Variants in CSMD1 observed in about 807,000 individuals in gnomAD.
CSMD1 encodes the protein CUB and Sushi multiple domains 1.
Under a neutral mutation model 417.5 loss-of-function variants are expected in CSMD1, and 213 were observed. The ratio of observed to expected loss-of-function variants is 0.51; its 90% confidence interval spans 0.46 to 0.57. The LOEUF is 0.57. Ranked by LOEUF, CSMD1 falls within the 20% of genes least tolerant of loss-of-function variation. The pLI is 0.00. For synonymous variants in CSMD1, 2,862 were observed against 1,736.8 expected, an observed-to-expected ratio of 1.65 and a Z score of -16.11; for missense variants, 6,923 against 4,529.7, an observed-to-expected ratio of 1.53 and a Z score of -15.17.
intron 5 of CSMD1, among the ~76,000 whole-genome samples, chr8:3,767,083 C>G (rs939093557): frequency 6.6e-6 from 1 of 152,208 alleles, no homozygotes; most frequent in Admixed American, 6.5e-5. Flanking sequence ...CTCCTGCAGA[C>G]CCACTTAAAC....
chr8:4,855,136 A>T (rs1462015497), intron 1 of CSMD1, among the ~76,000 whole-genome samples: 1 of 151,156 alleles, frequency 6.6e-6, no homozygotes, highest in Admixed American at 6.6e-5. Context: ...ACTGGGAGGC[A>T]CCCCCCAGCA....
intron 1 of CSMD1, among the ~76,000 whole-genome samples, chr8:4,910,336 T>G (rs955815192): frequency 1.5e-4 from 23 of 152,328 alleles, no homozygotes; most frequent in African/African-American, 4.3e-4. Flanking sequence ...ATGTTGATGA[T>G]GTATCTTAGT....
intron 2 of CSMD1, among the ~76,000 whole-genome samples, chr8:4,537,783 C>T (rs192828689): frequency 6.6e-6 from 1 of 152,284 alleles, no homozygotes; most frequent in African/African-American, 2.4e-5. Flanking sequence ...GGCATGCAGC[C>T]GTTGCTGACT....
intron 3 of CSMD1, among the ~76,000 whole-genome samples, chr8:4,052,938 G>A (rs1439232914): frequency 6.6e-6 from 1 of 152,128 alleles, no homozygotes; most frequent in African/African-American, 2.4e-5. Context: ...AGTGGCTAAT[G>A]AGGGTCTGAG....
chr8:4,354,588 A>C (rs756204840), intron 3 of CSMD1, among the ~76,000 whole-genome samples: 5 of 152,152 alleles, frequency 3.3e-5, no homozygotes, highest in Admixed American at 6.6e-5. Context: ...ACCGTGACTC[A>C]ACCTTACCAC....
intron 18 of CSMD1, among the ~76,000 whole-genome samples, chr8:3,377,387 G>C (rs1005523340): frequency 6.6e-6 from 1 of 152,102 alleles, no homozygotes; most frequent in Non-Finnish European, 1.5e-5. Context: ...TCATGCTATT[G>C]ATTCCTTCGA....
chr8:4,555,687 C>G (rs1370924217), intron 2 of CSMD1, among the ~76,000 whole-genome samples: 1 of 152,072 alleles, frequency 6.6e-6, no homozygotes, highest in African/African-American at 2.4e-5. Context: ...AGGAATAAGT[C>G]TCTTTAGGGG....
intron 3 of CSMD1, among the ~76,000 whole-genome samples, chr8:4,342,212 TGTGTGTGTG>T (rs1800517765): frequency 9.4e-5 from 1 of 10,672 alleles, no homozygotes; most frequent in Non-Finnish European, 2.0e-4. Flanking sequence ...TGTCTGTGTG[TGTGTGTGTG>T]TGTGTGTGTG....
At chr8:4,101,811 G>A (rs563296072) in intron 3 of CSMD1, among the ~76,000 whole-genome samples, 4 of 134,256 alleles carry the variant, frequency 3.0e-5, no homozygotes, top group African/African-American at 8.5e-5. Context: ...CAAAGTGAAC[G>A]GAGAATTACT....
chr8:3,913,273 G>A (rs1808582456), intron 5 of CSMD1, among the ~76,000 whole-genome samples: 1 of 152,260 alleles, frequency 6.6e-6, no homozygotes. Flanking sequence ...TGGAAGCCAT[G>A]GGGAGGTTTT....
chr8:4,190,421 C>T (rs7007375), intron 3 of CSMD1, among the ~76,000 whole-genome samples: 113,461 of 152,024 alleles, frequency 0.75, 43,182 homozygotes, highest in South Asian at 0.86. Context: ...TAATGATTAA[C>T]GCTCATTAAT....
At chr8:3,541,777 G>A (rs1314475719) in intron 10 of CSMD1, among the ~76,000 whole-genome samples, 3 of 150,338 alleles carry the variant, frequency 2.0e-5, no homozygotes, top group African/African-American at 7.3e-5. Flanking sequence ...ATCAACTACA[G>A]CTGTTCTTTT....
At chr8:3,118,160 G>A (rs2129018965) in intron 42 of CSMD1, among the ~76,000 whole-genome samples, 1 of 152,140 alleles carries the variant, frequency 6.6e-6, no homozygotes, top group East Asian at 1.9e-4. Context: ...CATTCCTCTT[G>A]TGTTTACTAT....
chr8:4,645,940 T>G (rs2617044), intron 1 of CSMD1, among the ~76,000 whole-genome samples: 92,307 of 151,942 alleles, frequency 0.61, 28,396 homozygotes, highest in Admixed American at 0.71. Flanking sequence ...ACTTTAGAGA[T>G]TCTGAGTGAT....
chr8:3,381,719 A>G (rs1348450650), intron 18 of CSMD1, among the ~76,000 whole-genome samples: 1 of 152,220 alleles, frequency 6.6e-6, no homozygotes. Context: ...TTACAAAAAT[A>G]AGACTCAGTA....
intron 1 of CSMD1, among the ~76,000 whole-genome samples, chr8:4,809,554 G>C (rs1034255804): frequency 6.6e-6 from 1 of 152,140 alleles, no homozygotes; most frequent in Non-Finnish European, 1.5e-5. Context: ...AGGTTTAAAA[G>C]CCTAGACCCA....
At chr8:4,800,060 T>A (rs1340838100) in intron 1 of CSMD1, among the ~76,000 whole-genome samples, 1 of 152,156 alleles carries the variant, frequency 6.6e-6, no homozygotes, top group Non-Finnish European at 1.5e-5. Context: ...CACCAAAAAT[T>A]TGAATGATAT....
intron 26 of CSMD1, among the ~76,000 whole-genome samples, chr8:3,269,103 G>C (rs1801649452): frequency 6.6e-6 from 1 of 152,194 alleles, no homozygotes; most frequent in African/African-American, 2.4e-5. Context: ...CAGTATACAA[G>C]ACTTAGAACT....
At position 4,194,630 on chromosome 8, in the gene CSMD1, C is replaced by A. The variant is rs577714835; in HGVS notation, c.416-162531G>T. Among the ~76,000 whole-genome samples the A allele has an allele frequency of 2.6e-5, 4 of 152,224 alleles. No individual in the cohort carries two copies. The East Asian group carries it at 7.7e-4, about 29-fold the overall frequency. ...TGCTAACAGAGTAATCATACATCTC[C>A]CACATTTTCTTGCAAGGAAAATAAA... On this transcript the variant is annotated intron_variant, in intron 3 of 69. Coordinates refer to ENST00000635120, the MANE Select transcript of CSMD1 (RefSeq NM_033225.6).
Sources: allele counts gnomAD v4.1 joint callset (sites outside exome capture counted in the v4.1 genomes callset), GRCh38; gene constraint gnomAD v4.1.1; transcripts MANE v1.5; gene names NCBI Gene and HGNC (gene_info 2026-07-23, HGNC 2026-07-21).